Variants in TENM3 observed in about 807,000 individuals in gnomAD.
The protein encoded by TENM3 is teneurin-3.
Under a neutral mutation model 255.1 loss-of-function variants are expected in TENM3, and 63 were observed. That is an observed-to-expected ratio of 0.25 (90% CI 0.20 to 0.30). The LOEUF (loss-of-function observed/expected upper bound fraction) is 0.30, where lower values mean the gene tolerates loss of function less well. Ranked by LOEUF, TENM3 falls within the 10% of genes least tolerant of loss-of-function variation. The probability of loss-of-function intolerance (pLI) is 1.00; values close to 1 mark genes in which losing one functional copy is unlikely to be tolerated. For synonymous variants in TENM3, 1,306 were observed against 1,322.3 expected (o/e 0.99, Z 0.27); for missense variants, 2,929 against 3,461.1 (o/e 0.85, Z 3.86).
the TENM3 span, among the ~76,000 whole-genome samples, chr4:181,772,391 T>TAAG: frequency 6.6e-6 from 1 of 151,808 alleles, no homozygotes; most frequent in African/African-American, 2.4e-5. Flanking sequence ...AAAAAAATGA[T>TAAG]AATAATAATA....
chr4:182,797,293 G>T (rs1766564377), intron 27 of TENM3, among the ~76,000 whole-genome samples: 1 of 152,008 alleles, frequency 6.6e-6, no homozygotes, highest in Non-Finnish European at 1.5e-5. Context: ...TACAAAATTA[G>T]CCCGGCATGG....
intron 24 of TENM3, among the ~76,000 whole-genome samples, chr4:182,776,318 A>T (rs1764688180): frequency 6.6e-6 from 1 of 152,212 alleles, no homozygotes; most frequent in African/African-American, 2.4e-5. Context: ...AGGCTAAGGC[A>T]GGAGGATTGC....
the TENM3 span, among the ~76,000 whole-genome samples, chr4:181,496,314 T>C: frequency 6.6e-6 from 1 of 152,180 alleles, no homozygotes; most frequent in Non-Finnish European, 1.5e-5. Context: ...ATCTTCCCTT[T>C]AGTGTTTATA....
intron 1 of TENM3, among the ~76,000 whole-genome samples, chr4:182,257,714 C>G (rs1306396396): frequency 1.3e-5 from 2 of 152,148 alleles, no homozygotes; most frequent in Non-Finnish European, 2.9e-5. Flanking sequence ...TATGTAAGAG[C>G]AGCCCTTTGA....
chr4:182,090,321 A>G, the TENM3 span, among the ~76,000 whole-genome samples: 208 of 152,366 alleles, frequency 1.4e-3, 1 homozygote, highest in Non-Finnish European at 2.5e-3. Context: ...ACCACCCCAT[A>G]GTGGGAACTG....
the TENM3 span, among the ~76,000 whole-genome samples, chr4:181,826,619 G>A: frequency 5.9e-5 from 9 of 152,176 alleles, no homozygotes; most frequent in Non-Finnish European, 1.0e-4. Flanking sequence ...TTCCCAGAGG[G>A]GTTTAAAAGA....
At chr4:181,501,250 G>T in the TENM3 span, among the ~76,000 whole-genome samples, 1 of 152,162 alleles carries the variant, frequency 6.6e-6, no homozygotes, top group African/African-American at 2.4e-5. Context: ...TGAGGACACA[G>T]AGGCAGGGAA....
chr4:182,268,490 C>T (rs1311762365), intron 1 of TENM3, among the ~76,000 whole-genome samples: 1 of 152,072 alleles, frequency 6.6e-6, no homozygotes, highest in Non-Finnish European at 1.5e-5. Flanking sequence ...GGCTTGTGAA[C>T]CAGAGCAACC....
At chr4:181,452,484 G>A in the TENM3 span, among the ~76,000 whole-genome samples, 1 of 152,096 alleles carries the variant, frequency 6.6e-6, no homozygotes, top group Non-Finnish European at 1.5e-5. Context: ...AGATCTGATG[G>A]TTGTGTAAGG....
the TENM3 span, among the ~76,000 whole-genome samples, chr4:181,935,784 G>A: frequency 5.3e-5 from 8 of 152,128 alleles, no homozygotes; most frequent in Admixed American, 2.6e-4. Flanking sequence ...CTGCACCGAT[G>A]CCTTTCCATT....
chr4:181,781,224 T>G, the TENM3 span, among the ~76,000 whole-genome samples: 6 of 152,304 alleles, frequency 3.9e-5, no homozygotes, highest in Admixed American at 3.9e-4. Flanking sequence ...GTATGGCCAT[T>G]TTCACAACAT....
chr4:182,424,666 C>G (rs922864826), intron 3 of TENM3, among the ~76,000 whole-genome samples: 4 of 152,094 alleles, frequency 2.6e-5, no homozygotes, highest in Non-Finnish European at 5.9e-5. Context: ...ACTAAATTGG[C>G]CTCTTTTTAA....
chr4:182,444,333 A>C (rs1580562518), intron 3 of TENM3, among the ~76,000 whole-genome samples: 1 of 152,230 alleles, frequency 6.6e-6, no homozygotes, highest in African/African-American at 2.4e-5. Context: ...CTACAATTTT[A>C]TTCACAGGAT....
chr4:182,690,362 C>A (rs903015612), intron 12 of TENM3, among the ~76,000 whole-genome samples: 5 of 152,164 alleles, frequency 3.3e-5, no homozygotes, highest in Non-Finnish European at 5.9e-5. Context: ...AGTTGATGAG[C>A]AGGATTTGTG....
chr4:182,092,060 A>G, the TENM3 span, among the ~76,000 whole-genome samples: 7 of 152,158 alleles, frequency 4.6e-5, no homozygotes, highest in African/African-American at 1.4e-4. Context: ...AATAAACTAC[A>G]AGGCCACGGT....
intron 12 of TENM3, among the ~76,000 whole-genome samples, chr4:182,700,963 T>G (rs560497819): frequency 6.6e-6 from 1 of 152,238 alleles, no homozygotes; most frequent in South Asian, 2.1e-4. Flanking sequence ...TAAGACCATC[T>G]GCTTGTAGAG....
intron 6 of TENM3, among the ~76,000 whole-genome samples, chr4:182,666,810 G>T (rs1754723667): frequency 6.6e-6 from 1 of 151,988 alleles, no homozygotes; most frequent in South Asian, 2.1e-4. Context: ...GAGGTAGGAG[G>T]ATCACCTGAG....
the TENM3 span, among the ~76,000 whole-genome samples, chr4:182,092,605 C>CCT: frequency 1.3e-5 from 2 of 152,206 alleles, no homozygotes; most frequent in Admixed American, 1.3e-4. Context: ...CATGATTGTG[C>CCT]CTCTGCACTC....
the TENM3 span, among the ~76,000 whole-genome samples, chr4:181,548,703 A>G: frequency 6.6e-6 from 1 of 152,196 alleles, no homozygotes; most frequent in African/African-American, 2.4e-5. Flanking sequence ...ATCTCAGAAC[A>G]TTAATAAACA....
Sources: allele counts gnomAD v4.1 joint callset (sites outside exome capture counted in the v4.1 genomes callset), GRCh38; gene constraint gnomAD v4.1.1; transcripts MANE v1.5; gene names NCBI Gene and HGNC (gene_info 2026-07-23, HGNC 2026-07-21).